The following RAF1 variants were observed in gnomAD, a reference collection of about 807,000 sequenced individuals.
RAF1 encodes the protein Raf-1 proto-oncogene, serine/threonine kinase, also known as RAF proto-oncogene serine/threonine-protein kinase.
Under a neutral mutation model 81.1 loss-of-function variants are expected in RAF1, and 27 were observed. The observed-to-expected ratio is 0.33, with a 90% CI of 0.25 to 0.46. The LOEUF (loss-of-function observed/expected upper bound fraction) is 0.46. RAF1 is among the 20% of genes least tolerant of loss of function. The probability of loss-of-function intolerance (pLI) is 1.00; values close to 1 mark genes in which losing one functional copy is unlikely to be tolerated. For missense variants in RAF1, 598 were observed against 826.0 expected (o/e 0.72, Z 3.38); for synonymous variants, 298 against 294.0 (o/e 1.01, Z -0.14).
chr3:12,656,936 G>A (rs2060712659), intron 1 of RAF1, among the ~76,000 whole-genome samples: 1 of 151,056 alleles, frequency 6.6e-6, no homozygotes, highest in Admixed American at 6.6e-5. Context: ...GACAGAGGTT[G>A]CAGTGAACCA....
At chr3:12,625,291 C>T (rs1230309885) in intron 1 of RAF1, among the ~76,000 whole-genome samples, 2 of 152,076 alleles carry the variant, frequency 1.3e-5, no homozygotes, top group East Asian at 3.9e-4. Context: ...TCATGTTGCC[C>T]AGGCTGGTCT....
intron 13 of RAF1, 66 bp from the exon 13 acceptor site, chr3:12,587,703 T>A: frequency 7.3e-7 from 1 of 1,366,278 alleles, no homozygotes; most frequent in Non-Finnish European, 1.0e-6. Context: ...AGTTTTAAAC[T>A]ACAGCTAAGA....
Position 12,598,111 on chromosome 3 carries a change from T to C in RAF1, c.1168+1580A>G, listed in dbSNP as rs138074044. ...TGAGCTCACTACAACATTCGCCTCCTGAGCTCAAGCAATCTTCCTGCCTCA... is the reference window on the plus strand; with the variant it reads ...TGAGCTCACTACAACATTCGCCTCCCGAGCTCAAGCAATCTTCCTGCCTCA... On this transcript the variant is annotated intron_variant, in intron 11 of 17. Transcript: ENST00000442415. Among the ~76,000 whole-genome samples, 1,211 of 151,014 alleles carry C rather than the reference T, an allele frequency of 8.0e-3. 7 individuals are homozygous for C. The highest frequency in any genetic ancestry group is 0.013 in the Non-Finnish European group (905 of 67,834).
At chr3:12,652,056 G>A (rs562869657) in intron 1 of RAF1, among the ~76,000 whole-genome samples, 197 of 120,126 alleles carry the variant, frequency 1.6e-3, no homozygotes, top group Non-Finnish European at 2.2e-3. Context: ...ATAAATAAAT[G>A]ATATAAAAAA....
chr3:12,632,934 G>A (rs1021032005), intron 1 of RAF1, among the ~76,000 whole-genome samples: 1 of 152,202 alleles, frequency 6.6e-6, no homozygotes, highest in Non-Finnish European at 1.5e-5. Context: ...CCAGTTGAGA[G>A]TATGAATACT....
rs146375472 is a variant in RAF1 at position 12,612,794 on chromosome 3, C to G, written c.208-732G>C. Among the ~76,000 whole-genome samples the G allele has an allele frequency of 2.6e-3, 388 of 152,102 alleles. 2 individuals are homozygous for G. The highest frequency in any genetic ancestry group is 7.3e-3 in the Admixed American group (111 of 15,276). ...TAAAATGATAAACTTTTCCTTTATA[C>G]GTCTCTAATTTTGTGTGATTAGAAT... On this transcript the variant is annotated intron_variant, in intron 2 of 17. Transcript: ENST00000442415.
At chr3:12,658,195 CTA>C (rs2060761591) in intron 1 of RAF1, among the ~76,000 whole-genome samples, 1 of 152,146 alleles carries the variant, frequency 6.6e-6, no homozygotes, top group African/African-American at 2.4e-5. Context: ...ACTGTATACA[CTA>C]TGTTTTTTCC....
chr3:12,633,291 G>A (rs2125503561), intron 1 of RAF1, among the ~76,000 whole-genome samples: 1 of 151,746 alleles, frequency 6.6e-6, no homozygotes, highest in Non-Finnish European at 1.5e-5. Context: ...GACCAGCCTG[G>A]ACAACACAGT....
chr3:12,660,132 A>C, intron 1 of RAF1, among the ~76,000 whole-genome samples: 1 of 150,016 alleles, frequency 6.7e-6, no homozygotes, highest in African/African-American at 2.4e-5. Context: ...GTTATAAACT[A>C]AAAGCTACTA....
intron 1 of RAF1, among the ~76,000 whole-genome samples, chr3:12,632,072 A>T (rs2059878238): frequency 6.6e-6 from 1 of 152,172 alleles, no homozygotes; most frequent in Non-Finnish European, 1.5e-5. Context: ...TCACGCCTGT[A>T]ATCTCAGCAG....
chr3:12,663,706 G>A, intron 1 of RAF1, 107 bp downstream of exon 1: 2 of 391,040 alleles, frequency 5.1e-6, no homozygotes, highest in East Asian at 3.6e-5. Flanking sequence ...CCCGGCAGCC[G>A]CGGGGCCGCT....
chr3:12,652,477 C>T (rs1325448736), intron 1 of RAF1, among the ~76,000 whole-genome samples: 2 of 151,890 alleles, frequency 1.3e-5, no homozygotes, highest in Non-Finnish European at 2.9e-5. Context: ...GCCAAGTTCG[C>T]ACCACTGCAC....
rs2058232703 is a variant in RAF1 at position 12,584,052 on chromosome 3, A to C, written c.*462T>G. 3.5e-6 allele frequency: 1 copy of C among 283,564 alleles called. No individual in the cohort carries two copies. Among genetic ancestry groups the C allele is most frequent in the African/African-American group, 2.1e-5 (1 of 47,242 alleles). 17.6% of individuals were successfully genotyped at this position (283,564 alleles called of 1,614,324 possible). Reference sequence around the variant, plus strand: ...TGGGCTGTTTGGTGCCTTATGTGCAAAATGTCTGGCGCTGCACCACTCTCT... The same window carrying C: ...TGGGCTGTTTGGTGCCTTATGTGCACAATGTCTGGCGCTGCACCACTCTCT... On this transcript the variant is annotated 3_prime_UTR_variant, in exon 18 of 18. Transcript: ENST00000442415.
chr3:12,585,037 C>T (rs2125320541), intron 16 of RAF1, 56 bp from the exon 16 acceptor site: 1 of 1,613,718 alleles, frequency 6.2e-7, no homozygotes, highest in Admixed American at 1.7e-5. Flanking sequence ...CAGATAATAA[C>T]AAGTCCTAAC....
At position 12,618,510 on chromosome 3, in the gene RAF1, C is replaced by A. The variant is rs1446781544; in HGVS notation, c.207+5G>T. 4 of 1,614,070 alleles carry A rather than the reference C, an allele frequency of 2.5e-6. No individual in the cohort carries two copies. The African/African-American group carries it at 5.3e-5, about 22-fold the overall frequency. On this transcript the variant is annotated splice_donor_5th_base_variant and intron_variant, in intron 2 of 17. Coordinates refer to ENST00000442415, the MANE Select transcript of RAF1 (RefSeq NM_001354689.3). ...CTAAATTTCCTAAGTAGAATGTTCA[C>A]ATACCACTGTTCTTTGCTTGTTCGG...
At chr3:12,652,951 A>AT (rs753181653) in intron 1 of RAF1, among the ~76,000 whole-genome samples, 3,689 of 69,738 alleles carry the variant, frequency 0.053, 162 homozygotes, top group African/African-American at 0.13. Context: ...AAAAAAAAAA[A>AT]ATTTTTTTAA....
chr3:12,596,793 TTTC>T (rs1287729251), intron 11 of RAF1, among the ~76,000 whole-genome samples: 2 of 152,220 alleles, frequency 1.3e-5, no homozygotes, highest in African/African-American at 4.8e-5. Context: ...ACCACTCATT[TTTC>T]TTCTTCATTC....
chr3:12,634,287 C>G (rs1281313542), intron 1 of RAF1, among the ~76,000 whole-genome samples: 1 of 151,558 alleles, frequency 6.6e-6, no homozygotes, highest in Non-Finnish European at 1.5e-5. Context: ...GCTGGGACTA[C>G]AAGCACACAC....
At chr3:12,637,810 A>T (rs374245686) in intron 1 of RAF1, among the ~76,000 whole-genome samples, 1 of 152,132 alleles carries the variant, frequency 6.6e-6, no homozygotes. Context: ...CCGAAATTGC[A>T]CTACTCCACT....
Sources: gnomAD v4.1 joint callset for allele counts (sites outside exome capture counted in the v4.1 genomes callset) on GRCh38, gnomAD v4.1.1 for gene constraint, MANE v1.5 for transcripts, NCBI Gene and HGNC (gene_info 2026-07-23, HGNC 2026-07-21) for gene names.